ADORA2B: variants seen among roughly 807,000 people sequenced by gnomAD.
The protein encoded by ADORA2B is adenosine A2b receptor.
In ADORA2B, 18 loss-of-function variants were observed where a neutral mutation model predicts 20.8. The observed-to-expected ratio is 0.87, with a 90% CI of 0.60 to 1.29. The LOEUF is 1.29. ADORA2B is among the 50% of genes most tolerant of loss of function. The pLI, the probability that ADORA2B is intolerant of heterozygous loss-of-function variation, is 0.00. For missense variants in ADORA2B, 441 were observed against 422.7 expected (o/e 1.04, Z -0.38); for synonymous variants, 179 against 178.3 (o/e 1.00, Z -0.03).
the ADORA2B span, among the ~76,000 whole-genome samples, chr17:15,903,169 G>T: frequency 6.6e-6 from 1 of 152,142 alleles, no homozygotes. Flanking sequence ...TTTTTAAAAA[G>T]TAAATTAGGG....
chr17:15,941,484 T>G (rs960844374), upstream of ADORA2B, among the ~76,000 whole-genome samples: 6 of 152,042 alleles, frequency 3.9e-5, no homozygotes, highest in Non-Finnish European at 7.4e-5. Context: ...TCCCGGCACT[T>G]TGGGAGGCTG....
chr17:15,919,727 G>C, the ADORA2B span, among the ~76,000 whole-genome samples: 1 of 152,188 alleles, frequency 6.6e-6, no homozygotes, highest in Non-Finnish European at 1.5e-5. Flanking sequence ...TGTGCCCAGT[G>C]GGTGGGAAGG....
At chr17:15,923,361 C>T in the ADORA2B span, among the ~76,000 whole-genome samples, 1 of 147,672 alleles carries the variant, frequency 6.8e-6, no homozygotes, top group African/African-American at 2.5e-5. Flanking sequence ...TTGCCTCTCT[C>T]TCTCTGTCTC....
chr17:15,969,461 TAAATA>T (rs1970161612), intron 1 of ADORA2B, among the ~76,000 whole-genome samples: 1 of 151,952 alleles, frequency 6.6e-6, no homozygotes, highest in African/African-American at 2.4e-5. Context: ...TCAAAATAAA[TAAATA>T]AAATAATAAT....
chr17:15,867,312 C>A, the ADORA2B span, among the ~76,000 whole-genome samples: 1 of 152,252 alleles, frequency 6.6e-6, no homozygotes, highest in South Asian at 2.1e-4. Context: ...GCATCTCTGC[C>A]CGGCCGCCAT....
At chr17:15,913,596 C>A in the ADORA2B span, among the ~76,000 whole-genome samples, 1 of 152,232 alleles carries the variant, frequency 6.6e-6, no homozygotes, top group African/African-American at 2.4e-5. Context: ...GGACACAATA[C>A]ATTTCCAAGC....
chr17:15,916,484 G>A, the ADORA2B span, among the ~76,000 whole-genome samples: 2 of 97,480 alleles, frequency 2.1e-5, no homozygotes, highest in African/African-American at 5.7e-5. Flanking sequence ...ACAACTCTAA[G>A]GGGGGTCCGC....
chr17:15,892,914 G>A, the ADORA2B span, among the ~76,000 whole-genome samples: 1 of 152,130 alleles, frequency 6.6e-6, no homozygotes, highest in Non-Finnish European at 1.5e-5. Flanking sequence ...CAAGGCAAGC[G>A]AAAGCATCTT....
intron 1 of ADORA2B, chr17:15,974,476 A>G (rs1303689282): frequency 1.9e-6 from 1 of 533,074 alleles, no homozygotes; most frequent in Non-Finnish European, 3.3e-6. Context: ...TAAGTCAAGA[A>G]TGAAGATCTT....
At chr17:15,974,421 C>A (rs541565159) in intron 1 of ADORA2B, 2 of 431,998 alleles carry the variant, frequency 4.6e-6, no homozygotes, top group African/African-American at 3.9e-5. Flanking sequence ...GCTTCCCCAC[C>A]TCTTGTCATT....
chr17:15,892,642 TTTTCTTTC>T, the ADORA2B span, among the ~76,000 whole-genome samples: 2 of 147,700 alleles, frequency 1.4e-5, no homozygotes, highest in South Asian at 2.1e-4. Flanking sequence ...TTTTTTCTTT[TTTTCTTTC>T]TTTCTTTTTT....
At chr17:15,915,839 C>G in the ADORA2B span, among the ~76,000 whole-genome samples, 1 of 152,174 alleles carries the variant, frequency 6.6e-6, no homozygotes, top group African/African-American at 2.4e-5. Flanking sequence ...ATTTAGTTCA[C>G]CAACCCAAAT....
chr17:15,966,891 C>T (rs1468849487), intron 1 of ADORA2B, among the ~76,000 whole-genome samples: 3 of 152,234 alleles, frequency 2.0e-5, no homozygotes, highest in African/African-American at 7.2e-5. Context: ...CTTCCCTGGC[C>T]TCACTGCAGT....
In ADORA2B at chr17:15,951,179, C is replaced by T. The variant is rs1969897010; in HGVS notation, c.335+5596C>T. ...GAAACGCCAGAAGAGGAGCTGCCCC[C>T]ACAAGTTCTAATGATCGGAAGACAG... On this transcript the variant is annotated intron_variant, in intron 1 of 1. Coordinates refer to ENST00000304222, the MANE Select transcript of ADORA2B (RefSeq NM_000676.4). Among the ~76,000 whole-genome samples, 3 of 152,208 alleles carry T rather than the reference C, an allele frequency of 2.0e-5. 1 individual carries two copies. In the South Asian group the frequency reaches 6.2e-4, roughly 32 times the overall value.
the ADORA2B span, among the ~76,000 whole-genome samples, chr17:15,852,543 A>G: frequency 6.6e-6 from 1 of 152,344 alleles, no homozygotes; most frequent in South Asian, 2.1e-4. Flanking sequence ...GAAAAAAACA[A>G]GAGAAAACTA....
At chr17:15,916,586 G>A in the ADORA2B span, among the ~76,000 whole-genome samples, 57 of 152,200 alleles carry the variant, frequency 3.7e-4, no homozygotes, top group African/African-American at 1.3e-3. Context: ...GAACAGGACA[G>A]GGATTTTCAC....
chr17:15,941,013 CTGGATT>C (rs1271005399), upstream of ADORA2B, among the ~76,000 whole-genome samples: 2 of 152,212 alleles, frequency 1.3e-5, no homozygotes, highest in Non-Finnish European at 2.9e-5. Context: ...TGTATGTCAC[CTGGATT>C]CTGCTCTGGC....
At chr17:15,974,216 T>C (rs761874637) in intron 1 of ADORA2B, 7 of 160,290 alleles carry the variant, frequency 4.4e-5, no homozygotes, top group Admixed American at 5.8e-5. Flanking sequence ...GGCTATAGTC[T>C]GTTTACACGT....
chr17:15,901,608 A>C, the ADORA2B span, among the ~76,000 whole-genome samples: 1 of 152,168 alleles, frequency 6.6e-6, no homozygotes, highest in East Asian at 1.9e-4. Context: ...GTTCTGCAAA[A>C]TGAATACACT....
Sources: allele counts gnomAD v4.1 joint callset (sites outside exome capture counted in the v4.1 genomes callset), GRCh38; gene constraint gnomAD v4.1.1; transcripts MANE v1.5; gene names NCBI Gene and HGNC (gene_info 2026-07-23, HGNC 2026-07-21).